The following MCC variants were observed in gnomAD, a reference collection of about 807,000 sequenced individuals.
MCC encodes MCC regulator of Wnt signaling pathway.
MCC carries 90 observed loss-of-function variants against 116.2 expected under a neutral mutation model. The observed-to-expected ratio is 0.77, with a 90% CI of 0.65 to 0.92. The LOEUF (loss-of-function observed/expected upper bound fraction) is 0.92, where lower values mean the gene tolerates loss of function less well. MCC is among the 40% of genes least tolerant of loss of function. The pLI is 0.00. For missense variants in MCC, 1,516 were observed against 1,312.2 expected, an observed-to-expected ratio of 1.16 and a Z score of -2.40; for synonymous variants, 578 against 510.5, an observed-to-expected ratio of 1.13 and a Z score of -1.78.
intron 8 of MCC, among the ~76,000 whole-genome samples, chr5:113,093,568 G>C (rs1755796077): frequency 6.6e-6 from 1 of 152,094 alleles, no homozygotes; most frequent in African/African-American, 2.4e-5. Flanking sequence ...GAGATGTTGG[G>C]GGGATTTGGC....
intron 3 of MCC, among the ~76,000 whole-genome samples, chr5:113,164,142 G>T (rs1760647665): frequency 6.6e-6 from 1 of 152,184 alleles, no homozygotes; most frequent in Admixed American, 6.5e-5. Context: ...GAGTTGGAAA[G>T]ATCATTAACT....
intron 1 of MCC, among the ~76,000 whole-genome samples, chr5:113,443,240 T>C (rs1217318895): frequency 1.3e-5 from 2 of 152,190 alleles, no homozygotes; most frequent in African/African-American, 4.8e-5. Flanking sequence ...TTCCTAGGTA[T>C]TTTATTCTCT....
At chr5:113,200,368 G>T (rs1315308074) in intron 3 of MCC, among the ~76,000 whole-genome samples, 1 of 152,178 alleles carries the variant, frequency 6.6e-6, no homozygotes, top group East Asian at 1.9e-4. Flanking sequence ...GAGGGCTCAG[G>T]ACAGCAGCTC....
At chr5:113,351,737 A>T (rs1768273396) in intron 2 of MCC, among the ~76,000 whole-genome samples, 1 of 152,160 alleles carries the variant, frequency 6.6e-6, no homozygotes, top group Non-Finnish European at 1.5e-5. Context: ...GCTTGAGGGG[A>T]TGGATACCCC....
intron 3 of MCC, among the ~76,000 whole-genome samples, chr5:113,265,712 C>G (rs935646425): frequency 6.6e-6 from 1 of 152,102 alleles, no homozygotes; most frequent in Non-Finnish European, 1.5e-5. Flanking sequence ...TCTCCACGCA[C>G]CCAACTCCAT....
intron 3 of MCC, among the ~76,000 whole-genome samples, chr5:113,201,342 C>T (rs1218248342): frequency 2.7e-5 from 4 of 147,884 alleles, no homozygotes; most frequent in Admixed American, 6.9e-5. Context: ...GCTGAGATTA[C>T]GCCATTGCAC....
At chr5:113,142,128 T>C (rs1759213476) in intron 5 of MCC, among the ~76,000 whole-genome samples, 1 of 152,068 alleles carries the variant, frequency 6.6e-6, no homozygotes. Flanking sequence ...AGAAAACAGA[T>C]GCCCATTAGT....
At chr5:113,259,646 G>A (rs1333108085) in intron 3 of MCC, among the ~76,000 whole-genome samples, 1 of 152,084 alleles carries the variant, frequency 6.6e-6, no homozygotes, top group Non-Finnish European at 1.5e-5. Flanking sequence ...GGAGAAGCAC[G>A]TGGCCATTAT....
chr5:113,246,897 G>A (rs1038584466), intron 3 of MCC, among the ~76,000 whole-genome samples: 5 of 152,184 alleles, frequency 3.3e-5, no homozygotes, highest in Admixed American at 2.6e-4. Context: ...TAGATTCTGA[G>A]GTCACAGACC....
chr5:113,204,289 T>C (rs1762816603), intron 3 of MCC, among the ~76,000 whole-genome samples: 2 of 152,224 alleles, frequency 1.3e-5, no homozygotes, highest in African/African-American at 4.8e-5. Flanking sequence ...ACACAGCAGA[T>C]GAAGGCCTTT....
At chr5:113,201,118 G>T (rs746334020) in intron 3 of MCC, among the ~76,000 whole-genome samples, 7 of 152,080 alleles carry the variant, frequency 4.6e-5, no homozygotes, top group Non-Finnish European at 8.8e-5. Context: ...GGGCACAGGG[G>T]CTCAGGCCTG....
chr5:113,445,366 C>T (rs888301111), intron 1 of MCC, among the ~76,000 whole-genome samples: 2 of 152,100 alleles, frequency 1.3e-5, no homozygotes, highest in Non-Finnish European at 2.9e-5. Flanking sequence ...CCAGAAGGCT[C>T]CCAGAACTGA....
At chr5:113,481,488 C>G (rs1772376405) in intron 1 of MCC, among the ~76,000 whole-genome samples, 1 of 152,038 alleles carries the variant, frequency 6.6e-6, no homozygotes, top group African/African-American at 2.4e-5. Flanking sequence ...CCTGTAATCC[C>G]AGCACTTTGA....
intron 17 of MCC, among the ~76,000 whole-genome samples, chr5:113,042,080 A>T (rs1376188247): frequency 1.3e-5 from 2 of 152,182 alleles, no homozygotes; most frequent in African/African-American, 4.8e-5. Flanking sequence ...ACCGCTGAAT[A>T]TTTAAAGAAA....
chr5:113,084,314 C>G (rs746794898), intron 9 of MCC, 124 bp from the exon 10 acceptor site: 8 of 709,738 alleles, frequency 1.1e-5, no homozygotes, highest in Non-Finnish European at 1.9e-5. Flanking sequence ...AACTTAAGAA[C>G]AGCTCACGTC....
At chr5:113,317,580 G>A (rs1219233576) in intron 3 of MCC, among the ~76,000 whole-genome samples, 1 of 152,202 alleles carries the variant, frequency 6.6e-6, no homozygotes. Context: ...ACAAGGAGGT[G>A]AGTACATGTG....
chr5:113,041,689 AGAAGCAGGACTCTCAAATGG>A (rs1174617140), intron 17 of MCC, among the ~76,000 whole-genome samples: 1 of 152,208 alleles, frequency 6.6e-6, no homozygotes, highest in African/African-American at 2.4e-5. Flanking sequence ...TGTAATAAGT[AGAAGCAGGACTCTCAAATGG>A]GATGGCCGGG....
rs2150439661 is a variant in MCC at position 113,488,451 on chromosome 5, A to G, written c.-37T>C. 3.6e-6 allele frequency: 5 copies of G among 1,389,864 alleles called. No homozygotes were observed. Among genetic ancestry groups the G allele is most frequent in the Non-Finnish European group, 2.8e-6 (3 of 1,085,856 alleles). 86.1% of individuals were successfully genotyped at this position (1,389,864 alleles called of 1,614,324 possible). A position where few individuals can be genotyped will look rare whatever the true frequency, so the allele number is the denominator to read the frequency against. ...CTACTTGGGAGGAGGAGTACGCGCG[A>G]CCGCAGCTGGAATCCGCGCGGCGCG... On this transcript the variant is annotated 5_prime_UTR_variant, in exon 1 of 19. Coordinates refer to ENST00000408903, the MANE Select transcript of MCC (RefSeq NM_001085377.2).
chr5:113,052,677 A>C (rs1183656851), intron 15 of MCC, among the ~76,000 whole-genome samples: 1 of 152,196 alleles, frequency 6.6e-6, no homozygotes, highest in Non-Finnish European at 1.5e-5. Flanking sequence ...TGCTGCGGAC[A>C]GTACTGATCC....
Sources: gnomAD v4.1 joint callset for allele counts (sites outside exome capture counted in the v4.1 genomes callset) on GRCh38, gnomAD v4.1.1 for gene constraint, MANE v1.5 for transcripts, NCBI Gene and HGNC (gene_info 2026-07-23, HGNC 2026-07-21) for gene names.